The following OR51B5 variants were observed in gnomAD, a reference collection of about 807,000 sequenced individuals.
The protein encoded by OR51B5 is olfactory receptor 51B5.
For synonymous variants in OR51B5, 186 were observed against 144.8 expected (o/e 1.28, Z -2.04); for missense variants, 456 against 374.6 (o/e 1.22, Z -1.79).
At chr11:5,505,594 AC>A (rs1326659470) in exon 1 of OR51B5, 2 of 743,672 alleles carry the variant, frequency 2.7e-6, no homozygotes. Flanking sequence ...GGGAGGCCTC[AC>A]AACCATGGCC....
chr11:5,458,887 T>C (rs978039885), intron 1 of OR51B5, among the ~76,000 whole-genome samples: 1 of 152,230 alleles, frequency 6.6e-6, no homozygotes, highest in African/African-American at 2.4e-5. Context: ...TATAGAAACA[T>C]GTCATTTGAA....
At chr11:5,465,205 CA>C (rs34459420) in intron 1 of OR51B5, among the ~76,000 whole-genome samples, 3,148 of 45,092 alleles carry the variant, frequency 0.07, 51 homozygotes, top group African/African-American at 0.24. Flanking sequence ...GACTCCGTCT[CA>C]AAAAAAAAAA....
chr11:5,467,153 G>A (rs1370329259), intron 1 of OR51B5, among the ~76,000 whole-genome samples: 2 of 152,172 alleles, frequency 1.3e-5, no homozygotes, highest in East Asian at 3.9e-4. Flanking sequence ...AGTTTCACCA[G>A]TCAATCTCAA....
intron 1 of OR51B5, among the ~76,000 whole-genome samples, chr11:5,456,670 G>T (rs1590007068): frequency 6.6e-6 from 1 of 152,082 alleles, no homozygotes; most frequent in African/African-American, 2.4e-5. Context: ...TGAGTAAATT[G>T]CATGTCACCG....
downstream of OR51B5, chr11:5,342,402 T>G (rs1215559631): frequency 3.7e-6 from 1 of 269,056 alleles, no homozygotes; most frequent in African/African-American, 2.3e-5. Flanking sequence ...AACAAAAATT[T>G]GTACAAACTA....
At chr11:5,432,225 T>C (rs1176041875) in intron 1 of OR51B5, among the ~76,000 whole-genome samples, 1 of 152,176 alleles carries the variant, frequency 6.6e-6, no homozygotes, top group African/African-American at 2.4e-5. Flanking sequence ...TCTACCTACA[T>C]GATATCAACT....
At chr11:5,350,914 A>G (rs1849071762) in intron 1 of OR51B5, among the ~76,000 whole-genome samples, 1 of 152,224 alleles carries the variant, frequency 6.6e-6, no homozygotes. Context: ...TTTTCCCTCC[A>G]GGAATATTGA....
At chr11:5,393,849 A>G (rs1187821218) in intron 1 of OR51B5, among the ~76,000 whole-genome samples, 1 of 152,182 alleles carries the variant, frequency 6.6e-6, no homozygotes, top group Non-Finnish European at 1.5e-5. Context: ...GAAATTCAAT[A>G]TCAAGCGCAT....
chr11:5,345,492 T>C (rs1249123862), upstream of OR51B5, among the ~76,000 whole-genome samples: 1 of 152,128 alleles, frequency 6.6e-6, no homozygotes, highest in Non-Finnish European at 1.5e-5. Flanking sequence ...TAGATTTCTG[T>C]TTGAACAAAT....
At chr11:5,383,731 A>T (rs1849643736) in intron 1 of OR51B5, 1 of 152,150 alleles carries the variant, frequency 6.6e-6, no homozygotes, top group African/African-American at 2.4e-5. Context: ...TAGGATTCCC[A>T]GCCCTGGGGA....
exon 1 of OR51B5, chr11:5,342,744 G>A (rs754820149): frequency 9.3e-6 from 15 of 1,613,418 alleles, no homozygotes; most frequent in African/African-American, 2.7e-5. Flanking sequence ...TTTCCAAAAC[G>A]ATGAATCAGA....
chr11:5,468,659 T>C (rs995159382), intron 1 of OR51B5: 7 of 456,486 alleles, frequency 1.5e-5, no homozygotes, highest in South Asian at 4.6e-5. Context: ...CATAGGCACA[T>C]AGAAGATCAG....
At chr11:5,407,974 T>C (rs138455922) in intron 1 of OR51B5, among the ~76,000 whole-genome samples, 36 of 152,248 alleles carry the variant, frequency 2.4e-4, no homozygotes, top group African/African-American at 8.7e-4. Flanking sequence ...TTTGAAAATA[T>C]TCACTTTCAG....
intron 1 of OR51B5, among the ~76,000 whole-genome samples, chr11:5,416,756 C>A (rs1382895839): frequency 7.0e-6 from 1 of 142,446 alleles, no homozygotes; most frequent in African/African-American, 2.6e-5. Flanking sequence ...AACTACAAAC[C>A]ACTGCTCAAT....
chr11:5,495,960 A>C (rs182255617), intron 1 of OR51B5, among the ~76,000 whole-genome samples: 1 of 152,136 alleles, frequency 6.6e-6, no homozygotes, highest in Non-Finnish European at 1.5e-5. Context: ...TTTTAACTTC[A>C]TATGTTCCTG....
At chr11:5,420,345 C>G (rs535718245) in intron 1 of OR51B5, among the ~76,000 whole-genome samples, 15 of 152,056 alleles carry the variant, frequency 9.9e-5, no homozygotes, top group African/African-American at 3.6e-4. Context: ...TTTAAAACAC[C>G]AATTATACGA....
At chr11:5,389,904 TC>T in intron 1 of OR51B5, 2 of 1,612,124 alleles carry the variant, frequency 1.2e-6, no homozygotes, top group Non-Finnish European at 8.5e-7. Context: ...GTGGCCACTA[TC>T]CCTATTGTCC....
At chr11:5,422,479 A>C in intron 1 of OR51B5, 1 of 1,614,156 alleles carries the variant, frequency 6.2e-7, no homozygotes, top group Non-Finnish European at 8.5e-7. Flanking sequence ...ACGTTCGTAG[A>C]ATCAGCTCTG....
rs58198485 is a variant in OR51B5 at position 5,366,517 on chromosome 11, G to A, written n.85-19607C>T. ...GCAGCTACACAGGAGGCTGAGGTAG[G>A]AGAATCGCTTGAACCTGGGAGGCGG... is the stretch of plus-strand genomic sequence containing the variant. On this transcript the variant is annotated intron_variant and non_coding_transcript_variant, in intron 1 of 4. Coordinates refer to the OR51B5 transcript ENST00000415970. Among the ~76,000 whole-genome samples, 46 of 152,244 alleles carry A rather than the reference G, an allele frequency of 3.0e-4. 1 individual carries two copies. The East Asian group carries it at 8.9e-3, about 29-fold the overall frequency.
Sources: gnomAD v4.1 joint callset for allele counts (sites outside exome capture counted in the v4.1 genomes callset) on GRCh38, gnomAD v4.1.1 for gene constraint, MANE v1.5 for transcripts, NCBI Gene and HGNC (gene_info 2026-07-23, HGNC 2026-07-21) for gene names.